The following FMN1 variants were observed in gnomAD, a reference collection of about 807,000 sequenced individuals.
FMN1 encodes formin 1, also known as formin-1.
A neutral mutation model predicts 132.4 loss-of-function variants in FMN1; 110 were observed. The observed-to-expected ratio is 0.83, with a 90% CI of 0.71 to 0.97. The LOEUF (loss-of-function observed/expected upper bound fraction) is 0.97, where lower values mean the gene tolerates loss of function less well. FMN1 is among the 50% of genes least tolerant of loss of function. The pLI is 0.00. For missense variants in FMN1, 1,792 were observed against 1,705.3 expected (o/e 1.05, Z -0.90); for synonymous variants, 722 against 651.7 (o/e 1.11, Z -1.64).
intron 16 of FMN1, among the ~76,000 whole-genome samples, chr15:32,861,735 TCTC>T (rs1169473352): frequency 6.6e-6 from 1 of 152,106 alleles, no homozygotes; most frequent in Non-Finnish European, 1.5e-5. Context: ...ACGGTGCAAA[TCTC>T]CTGTTTAGAA....
chr15:33,012,098 G>A (rs953969267), intron 6 of FMN1: 3 of 404,480 alleles, frequency 7.4e-6, no homozygotes, highest in African/African-American at 4.1e-5. Context: ...AGGAAGCATT[G>A]TCTCTCTTCC....
chr15:33,069,651 A>C lies in FMN1; in HGVS notation c.2044-4577T>G, dbSNP rs78245955. The stretch of plus-strand genomic sequence containing the variant: ...ATTCTGATTGCAAAAATACATTTCT[A>C]GCAATGTATTCAAAAGGAACGCTCA... On this transcript the variant is annotated intron_variant, in intron 5 of 20. Transcript: ENST00000616417. 7.9e-5 allele frequency among the ~76,000 whole-genome samples: 12 copies of C among 152,304 alleles called. 1 individual carries two copies. Among genetic ancestry groups the C allele is most frequent in the Non-Finnish European group, 1.3e-4 (9 of 68,028 alleles).
rs80054498 is a variant in FMN1 at position 33,145,805 on chromosome 15, T to C, written c.1867+7243A>G. ...TGCACACCTTATTTACTCTCCACAA[T>C]TCCTCTGGGCTCACCTGGAAACCAA... is the stretch of plus-strand genomic sequence containing the variant. On this transcript the variant is annotated intron_variant, in intron 4 of 20. Coordinates refer to ENST00000616417, the MANE Select transcript of FMN1 (RefSeq NM_001277313.2). Among the ~76,000 whole-genome samples the C allele has an allele frequency of 5.2e-3, 790 of 151,896 alleles. 8 individuals are homozygous for C. The highest frequency in any genetic ancestry group is 0.018 in the African/African-American group (758 of 41,424).
chr15:33,000,175 C>A (rs753938687), intron 7 of FMN1, among the ~76,000 whole-genome samples: 1 of 152,276 alleles, frequency 6.6e-6, no homozygotes, highest in South Asian at 2.1e-4. Context: ...AGTGGCTGGA[C>A]GTGATGGCTC....
intron 16 of FMN1, among the ~76,000 whole-genome samples, chr15:32,864,694 A>G (rs1450743427): frequency 6.6e-6 from 1 of 152,246 alleles, no homozygotes; most frequent in Non-Finnish European, 1.5e-5. Context: ...AGAATAATGT[A>G]GCTACATACA....
At chr15:32,929,748 G>T (rs977578914) in intron 9 of FMN1, among the ~76,000 whole-genome samples, 2 of 147,638 alleles carry the variant, frequency 1.4e-5, no homozygotes, top group African/African-American at 5.1e-5. Context: ...CCATGTTGTA[G>T]CAAATGACAA....
At chr15:32,896,973 T>C (rs753378636) in intron 15 of FMN1, among the ~76,000 whole-genome samples, 2 of 152,230 alleles carry the variant, frequency 1.3e-5, no homozygotes. Context: ...TTTTAATTTT[T>C]TGAAGAAACT....
In FMN1 at chr15:32,826,812, C is replaced by T. The variant is rs140962634; in HGVS notation, c.3929-22480G>A. Reference sequence around the variant, plus strand: ...AGATAGCATCTTAGCTGTGGAAATGCTATTCTCTTATGTCCTTCCCAGTTT... The same window carrying T: ...AGATAGCATCTTAGCTGTGGAAATGTTATTCTCTTATGTCCTTCCCAGTTT... On this transcript the variant is annotated intron_variant, in intron 17 of 20. Transcript: ENST00000616417. Among the ~76,000 whole-genome samples, 8 of 152,288 alleles carry T rather than the reference C, an allele frequency of 5.3e-5. No homozygotes were observed. In the East Asian group the frequency reaches 1.5e-3, roughly 29 times the overall value.
chr15:32,956,372 T>TAAAA lies in FMN1; in HGVS notation c.3138+7731_3138+7734dup, dbSNP rs67741965. On this transcript the variant is annotated intron_variant, in intron 9 of 20. Coordinates refer to ENST00000616417, the MANE Select transcript of FMN1 (RefSeq NM_001277313.2). ...AGTCCTAACCACTCTTTTTTTTTTT[T>TAAAA]AAAAAAATAAGCAAATAAAATAAAC... Among the ~76,000 whole-genome samples, 27 of 151,036 alleles carry TAAAA rather than the reference T, an allele frequency of 1.8e-4. No homozygotes were observed. In the East Asian group the frequency reaches 3.7e-3, roughly 21 times the overall value.
At chr15:32,849,523 C>T (rs2058954451) in intron 17 of FMN1, among the ~76,000 whole-genome samples, 1 of 152,108 alleles carries the variant, frequency 6.6e-6, no homozygotes, top group Admixed American at 6.5e-5. Context: ...AATTTCACAA[C>T]TCCATTACTG....
At chr15:33,039,960 A>G (rs1003878799) in intron 6 of FMN1, among the ~76,000 whole-genome samples, 2 of 152,112 alleles carry the variant, frequency 1.3e-5, no homozygotes, top group Admixed American at 6.5e-5. Context: ...GAGGAGTCTT[A>G]CAGTGTTATT....
intron 15 of FMN1, among the ~76,000 whole-genome samples, chr15:32,895,509 CTT>C (rs1313529167): frequency 2.6e-5 from 4 of 152,016 alleles, no homozygotes; most frequent in Non-Finnish European, 5.9e-5. Context: ...AAAGTGTGCC[CTT>C]TATAGGATGT....
At chr15:33,063,059 G>A (rs890322466) in intron 6 of FMN1, 2 of 152,202 alleles carry the variant, frequency 1.3e-5, no homozygotes, top group Non-Finnish European at 2.9e-5. Flanking sequence ...TCTTCTCCAG[G>A]AGGGCTTTAG....
At chr15:33,129,136 C>T (rs1963424103) in intron 4 of FMN1, among the ~76,000 whole-genome samples, 1 of 152,212 alleles carries the variant, frequency 6.6e-6, no homozygotes, top group African/African-American at 2.4e-5. Context: ...CAGCTGGCTT[C>T]ACCTCTCAAT....
intron 9 of FMN1, among the ~76,000 whole-genome samples, chr15:32,958,792 A>G (rs140951354): frequency 6.8e-4 from 103 of 152,310 alleles, no homozygotes; most frequent in African/African-American, 2.5e-3. Flanking sequence ...CTGTAATCCC[A>G]GCACTTTGGG....
intron 16 of FMN1, among the ~76,000 whole-genome samples, chr15:32,867,713 A>G (rs541345766): frequency 2.5e-4 from 38 of 152,060 alleles, no homozygotes; most frequent in Non-Finnish European, 4.4e-4. Flanking sequence ...GGATGGTCTC[A>G]ATCTCCTGAC....
At chr15:32,958,212 T>G (rs2030051732) in intron 9 of FMN1, among the ~76,000 whole-genome samples, 1 of 152,196 alleles carries the variant, frequency 6.6e-6, no homozygotes, top group Non-Finnish European at 1.5e-5. Context: ...ACTTTGGATA[T>G]GCAGAAGTGT....
At chr15:32,895,165 C>T (rs2060123595) in intron 15 of FMN1, among the ~76,000 whole-genome samples, 1 of 151,990 alleles carries the variant, frequency 6.6e-6, no homozygotes, top group African/African-American at 2.4e-5. Flanking sequence ...ATTTCTAGGG[C>T]TGTTGATACA....
chr15:33,082,842 TAA>T (rs910740971), intron 5 of FMN1, among the ~76,000 whole-genome samples: 16 of 149,692 alleles, frequency 1.1e-4, no homozygotes, highest in African/African-American at 4.1e-4. Context: ...AGTTAGTTAA[TAA>T]AATATAGGAT....
Sources: gnomAD v4.1 joint callset for allele counts (sites outside exome capture counted in the v4.1 genomes callset) on GRCh38, gnomAD v4.1.1 for gene constraint, MANE v1.5 for transcripts, NCBI Gene and HGNC (gene_info 2026-07-23, HGNC 2026-07-21) for gene names.